The following LAMA1 variants were observed in gnomAD, a reference collection of about 807,000 sequenced individuals.
The protein encoded by LAMA1 is laminin subunit alpha-1.
Under a neutral mutation model 348.7 loss-of-function variants are expected in LAMA1, and 219 were observed. The observed-to-expected ratio is 0.63, with a 90% CI of 0.56 to 0.70. The LOEUF is 0.70. Ranked by LOEUF, LAMA1 falls within the 30% of genes least tolerant of loss-of-function variation. The pLI, the probability that LAMA1 is intolerant of heterozygous loss-of-function variation, is 0.00. For missense variants in LAMA1, 3,744 were observed against 3,888.0 expected (o/e 0.96, Z 0.99); for synonymous variants, 1,487 against 1,491.0 (o/e 1.00, Z 0.06).
Position 6,966,161 on chromosome 18 carries a change from C to A in LAMA1, c.7036G>T (p.Gly2346Cys). ...AACACTCTTACTGTGCCGTATGAAC[C>A]CAGGTAGAGAAGAAGTCCATTAGGT... The part of the protein sequence containing the change: ...FSPNGLLLYL[G>C]SYGTKDFLSI... The change falls in exon 49 of 63, where the codon GGT becomes TGT. Residue 2346 changes from glycine (G) to cysteine (C), a missense_variant. Coordinates refer to ENST00000389658, the MANE Select transcript of LAMA1 (RefSeq NM_005559.4). 1 of 1,614,056 alleles carries A rather than the reference C, an allele frequency of 6.2e-7. No homozygotes were observed. Among genetic ancestry groups the A allele is most frequent in the Non-Finnish European group, 8.5e-7 (1 of 1,180,004 alleles).
At chr18:6,977,513 C>T (rs984142311) in intron 44 of LAMA1, among the ~76,000 whole-genome samples, 1 of 152,214 alleles carries the variant, frequency 6.6e-6, no homozygotes, top group Non-Finnish European at 1.5e-5. Context: ...CATTTTGAAG[C>T]ATGTTGAACA....
At chr18:7,096,224 C>A (rs2058260731) in intron 1 of LAMA1, among the ~76,000 whole-genome samples, 1 of 152,186 alleles carries the variant, frequency 6.6e-6, no homozygotes, top group African/African-American at 2.4e-5. Context: ...TCCAGAGGCA[C>A]CCTGCTCTTT....
intron 45 of LAMA1, 137 bp from the exon 46 acceptor site, chr18:6,975,173 T>C: frequency 2.7e-6 from 3 of 1,108,062 alleles, no homozygotes; most frequent in Non-Finnish European, 3.8e-6. Flanking sequence ...ACCCCCCAAA[T>C]CTATTTTCTT....
intron 52 of LAMA1, 41 bp from the exon 53 acceptor site, chr18:6,961,800 C>A: frequency 6.2e-7 from 1 of 1,611,680 alleles, no homozygotes; most frequent in East Asian, 2.2e-5. Flanking sequence ...GAGTTCCTAG[C>A]TGCGGCCAAA....
At chr18:7,116,264 G>GCT (rs2058355944) in intron 1 of LAMA1, among the ~76,000 whole-genome samples, 1 of 152,190 alleles carries the variant, frequency 6.6e-6, no homozygotes, top group African/African-American at 2.4e-5. Context: ...GAGGCAAGCT[G>GCT]CTCTTTCTCT....
At chr18:7,101,579 G>A (rs376152700) in intron 1 of LAMA1, among the ~76,000 whole-genome samples, 2 of 152,262 alleles carry the variant, frequency 1.3e-5, no homozygotes, top group South Asian at 4.1e-4. Context: ...TTATCTATGT[G>A]GTCAGATTGT....
intron 57 of LAMA1, among the ~76,000 whole-genome samples, chr18:6,952,909 C>T (rs981339335): frequency 2.7e-5 from 4 of 149,930 alleles, no homozygotes; most frequent in Admixed American, 6.6e-5. Context: ...AGCAGATCCA[C>T]GCCATGGGAG....
At chr18:7,005,819 C>G (rs982036535) in intron 29 of LAMA1, among the ~76,000 whole-genome samples, 2 of 152,094 alleles carry the variant, frequency 1.3e-5, no homozygotes, top group African/African-American at 4.8e-5. Context: ...ACCCTGAAAT[C>G]CCATCCTCCA....
intron 8 of LAMA1, chr18:7,042,918 A>G (rs1307541645): frequency 3.1e-6 from 1 of 317,920 alleles, no homozygotes; most frequent in Non-Finnish European, 5.7e-6. Context: ...TTGGCTGAAC[A>G]TCTCCTACAG....
chr18:7,031,326 A>C (rs949305444), intron 16 of LAMA1, among the ~76,000 whole-genome samples: 2 of 152,158 alleles, frequency 1.3e-5, no homozygotes, highest in Non-Finnish European at 2.9e-5. Context: ...TCCTGATTGA[A>C]GTTAAGAAAC....
In LAMA1 at chr18:7,086,048, C is replaced by A. The variant is rs149131845; in HGVS notation, c.62-5591G>T. Among the ~76,000 whole-genome samples the A allele has an allele frequency of 1.8e-3, 277 of 152,296 alleles. 1 individual carries two copies. The highest frequency in any genetic ancestry group is 0.01 in the Middle Eastern group (3 of 294). On this transcript the variant is annotated intron_variant, in intron 1 of 62. Transcript: ENST00000389658. ...TTCAGTAACATATCTATGATTTACACATATGCGTCAGAAAAAGCGGCTGAG... is the reference window on the plus strand; with the variant it reads ...TTCAGTAACATATCTATGATTTACAAATATGCGTCAGAAAAAGCGGCTGAG...
chr18:6,951,429 G>C (rs957912415), intron 57 of LAMA1, among the ~76,000 whole-genome samples: 1 of 152,248 alleles, frequency 6.6e-6, no homozygotes, highest in African/African-American at 2.4e-5. Context: ...CAGAGTTACT[G>C]CAGGTGTGGA....
chr18:7,077,635 C>T lies in LAMA1; in HGVS notation c.345+2340G>A, dbSNP rs144896480. On this transcript the variant is annotated intron_variant, in intron 3 of 62. Transcript: ENST00000389658. ...GACAAATTTCAAGACAAAGGATAGA[C>T]TTACAGAGGTTTGAAATCTATATGT... Among the ~76,000 whole-genome samples the T allele has an allele frequency of 4.1e-3, 629 of 152,216 alleles. 3 individuals carry two copies. The highest frequency in any genetic ancestry group is 0.014 in the African/African-American group (574 of 41,522).
intron 23 of LAMA1, 33 bp downstream of exon 23, chr18:7,013,782 A>G: frequency 6.2e-7 from 1 of 1,601,562 alleles, no homozygotes; most frequent in Non-Finnish European, 8.5e-7. Context: ...GGAGCCAGAG[A>G]CAGGATGAAA....
intron 51 of LAMA1, 75 bp downstream of exon 51, chr18:6,964,587 T>C (rs1402158894): frequency 1.3e-6 from 2 of 1,551,210 alleles, no homozygotes; most frequent in Non-Finnish European, 1.8e-6. Flanking sequence ...TGGTTTGTGA[T>C]ACAGTCCATT....
intron 49 of LAMA1, 44 bp downstream of exon 49, chr18:6,966,103 A>G: frequency 6.2e-7 from 1 of 1,606,090 alleles, no homozygotes; most frequent in Non-Finnish European, 8.5e-7. Flanking sequence ...AGCAATCTAA[A>G]TGTGTGTATA....
chr18:7,093,175 G>A (rs2058246499), intron 1 of LAMA1, among the ~76,000 whole-genome samples: 1 of 152,294 alleles, frequency 6.6e-6, no homozygotes, highest in African/African-American at 2.4e-5. Context: ...CCAGCACTTT[G>A]GGAGGCCGAG....
chr18:7,031,932 CTG>C (rs958004044), intron 16 of LAMA1, 132 bp downstream of exon 16: 26 of 601,576 alleles, frequency 4.3e-5, no homozygotes, highest in Non-Finnish European at 6.7e-5. Context: ...GAGCTTAAAT[CTG>C]TAAATTTTCT....
chr18:6,951,317 T>C (rs994036828), intron 57 of LAMA1, among the ~76,000 whole-genome samples: 6 of 152,204 alleles, frequency 3.9e-5, no homozygotes, highest in African/African-American at 1.4e-4. Context: ...GCAAAGCTGA[T>C]ATCTCAGCTG....
Sources: gnomAD v4.1 joint callset for allele counts (sites outside exome capture counted in the v4.1 genomes callset) on GRCh38, gnomAD v4.1.1 for gene constraint, MANE v1.5 for transcripts, NCBI Gene and HGNC (gene_info 2026-07-23, HGNC 2026-07-21) for gene names.